RPL39: variants seen among roughly 807,000 people sequenced by gnomAD.
The protein encoded by RPL39 is large ribosomal subunit protein eL39.
For missense variants in RPL39, 6 were observed against 37.2 expected, an observed-to-expected ratio of 0.16 and a Z score of 2.18; for synonymous variants, 8 against 11.4, an observed-to-expected ratio of 0.70 and a Z score of 0.60.
intron 2 of RPL39, among the ~76,000 whole-genome samples, chrX:119,788,162 C>T (rs2055678143): frequency 3.6e-5 from 4 of 111,717 alleles, no homozygotes; most frequent in Non-Finnish European, 7.5e-5. Context: ...AGGAAATAGG[C>T]CCTCAACTTT....
chrX:119,789,544 G>A (rs752894277), intron 2 of RPL39, among the ~76,000 whole-genome samples: 5 of 110,771 alleles, frequency 4.5e-5, no homozygotes, highest in African/African-American at 6.6e-5. Flanking sequence ...GTAACAGAGC[G>A]AGACTCCGTC....
rs766399545 is a variant in RPL39 at position 119,788,626 on chromosome X, G to A, written c.107+1282C>T. Among the ~76,000 whole-genome samples the A allele has an allele frequency of 3.8e-4, 43 of 111,820 alleles. 1 individual carries two copies. Among genetic ancestry groups the A allele is most frequent in the African/African-American group, 1.4e-3 (43 of 30,866 alleles). On this transcript the variant is annotated intron_variant, in intron 2 of 2. Coordinates refer to ENST00000361575, the MANE Select transcript of RPL39 (RefSeq NM_001000.4). ...GTACACAAATTAGCCAGGCATGGTG[G>A]TGAACGCCTGTAGTCCCAGCTACTC...
At chrX:119,788,971 T>C (rs1258706008) in intron 2 of RPL39, among the ~76,000 whole-genome samples, 3 of 112,112 alleles carry the variant, frequency 2.7e-5, no homozygotes, top group Non-Finnish European at 5.6e-5. Flanking sequence ...AAGAGAAACA[T>C]CTAAAAGACT....
Position 119,791,589 on chromosome X carries a change from A to G in RPL39, c.-13T>C, listed in dbSNP as rs757398755. 1 of 1,176,125 alleles carries G rather than the reference A, an allele frequency of 8.5e-7. No homozygotes were observed. ...ATGGACTTACCATGGCGAGCAGCGG[A>G]GTCAAGAACACACCACGATGGCGGA... On this transcript the variant is annotated 5_prime_UTR_variant, in exon 1 of 3. Coordinates refer to ENST00000361575, the MANE Select transcript of RPL39 (RefSeq NM_001000.4).
intron 1 of RPL39, chrX:119,791,259 C>T (rs1168626957): frequency 7.9e-6 from 2 of 253,909 alleles, no homozygotes; most frequent in Non-Finnish European, 1.5e-5. Context: ...CCACCTCCCA[C>T]CCCCCGCCTC....
chrX:119,789,298 T>C (rs2055686201), intron 2 of RPL39, among the ~76,000 whole-genome samples: 2 of 112,266 alleles, frequency 1.8e-5, no homozygotes, highest in Admixed American at 9.5e-5. Context: ...GGCTTATGCC[T>C]GTAATCCCAG....
intron 2 of RPL39, chrX:119,787,265 G>GC: frequency 3.1e-6 from 1 of 321,415 alleles, no homozygotes; most frequent in Non-Finnish European, 6.0e-6. Context: ...GAGATTACAG[G>GC]CATGAGCCAC....
intron 2 of RPL39, among the ~76,000 whole-genome samples, chrX:119,789,351 G>A (rs1209696556): frequency 8.9e-6 from 1 of 112,309 alleles, no homozygotes; most frequent in East Asian, 2.8e-4. Context: ...GAGCTCAGGA[G>A]TTTGAGACCA....
intron 2 of RPL39, 147 bp from the exon 3 acceptor site, chrX:119,786,879 A>T: frequency 2.1e-6 from 1 of 466,611 alleles, no homozygotes; most frequent in Non-Finnish European, 3.7e-6. Flanking sequence ...GGAGAGTAAA[A>T]AAAATAATTC....
At chrX:119,790,198 G>GT (rs1265535611) in intron 1 of RPL39, 187 bp from the exon 2 acceptor site, 10 of 367,201 alleles carry the variant, frequency 2.7e-5, no homozygotes, top group Non-Finnish European at 4.8e-5. Flanking sequence ...AGATACCACA[G>GT]TTTCCATCGT....
chrX:119,788,025 G>A (rs183487955), intron 2 of RPL39, among the ~76,000 whole-genome samples: 51 of 111,504 alleles, frequency 4.6e-4, no homozygotes, highest in Admixed American at 1.6e-3. Context: ...AGAAACCCAC[G>A]TTCAAGTAGA....
chrX:119,791,300 C>T (rs1273881166), intron 1 of RPL39: 3 of 287,306 alleles, frequency 1.0e-5, no homozygotes, highest in Non-Finnish European at 1.9e-5. Flanking sequence ...CGAAGGGAAA[C>T]CGGAATCCCT....
At chrX:119,788,341 G>T (rs890645467) in intron 2 of RPL39, among the ~76,000 whole-genome samples, 1 of 110,974 alleles carries the variant, frequency 9.0e-6, no homozygotes, top group African/African-American at 3.3e-5. Context: ...AGACCAGCCT[G>T]GCCAAGATGG....
chrX:119,790,316 T>A (rs181886113), intron 1 of RPL39: 153 of 174,907 alleles, frequency 8.7e-4, no homozygotes, highest in African/African-American at 4.2e-3. Context: ...AGCCAGAGGC[T>A]ACCTTTCAAT....
Position 119,786,602 on chromosome X carries a change from G to A in RPL39, c.*82C>T, listed in dbSNP as rs1302077938. 20 of 719,832 alleles carry A rather than the reference G, an allele frequency of 2.8e-5. No individual in the cohort carries two copies. Among genetic ancestry groups the A allele is most frequent in the Non-Finnish European group, 4.3e-5 (20 of 468,569 alleles). The allele number at this position is 719,832 out of a possible 1,213,427, so 59.3% of individuals were successfully genotyped here. A position where few individuals can be genotyped will look rare whatever the true frequency, so the allele number is the denominator to read the frequency against. ...AAACACGTCGAAATCTCCAGATAGT[G>A]GTGACATTTTCAGCTTGATATGGTA... On this transcript the variant is annotated 3_prime_UTR_variant, in exon 3 of 3. Coordinates refer to ENST00000361575, the MANE Select transcript of RPL39 (RefSeq NM_001000.4).
intron 1 of RPL39, chrX:119,791,086 G>A (rs1174036522): frequency 7.9e-6 from 1 of 126,547 alleles, no homozygotes; most frequent in African/African-American, 3.2e-5. Flanking sequence ...CTGAATAAAC[G>A]TCCTCTAAAC....
chrX:119,790,115 C>G lies in RPL39; in HGVS notation c.4-104G>C. The G allele has an allele frequency of 8.4e-6, 4 of 475,046 alleles. No individual in the cohort carries two copies. The South Asian group carries it at 1.4e-4, about 16-fold the overall frequency. The allele number at this position is 475,046 out of a possible 1,213,427, so 39.1% of individuals were successfully genotyped here. A position where few individuals can be genotyped will look rare whatever the true frequency, so the allele number is the denominator to read the frequency against. ...ACATTTGAGTGCTTAACACATACCC[C>G]AGCCCCAAAATCTTCTCAATGCTAA... On this transcript the variant is annotated intron_variant, in intron 1 of 2. Transcript: ENST00000361575.
intron 2 of RPL39, among the ~76,000 whole-genome samples, chrX:119,787,896 A>C (rs1370293469): frequency 9.0e-6 from 1 of 111,292 alleles, no homozygotes; most frequent in Non-Finnish European, 1.9e-5. Flanking sequence ...GGCCTCAAGC[A>C]ATCCTCCTGC....
At chrX:119,788,641 C>A (rs1371930213) in intron 2 of RPL39, among the ~76,000 whole-genome samples, 1 of 111,526 alleles carries the variant, frequency 9.0e-6, no homozygotes, top group African/African-American at 3.3e-5. Flanking sequence ...CGCCTGTAGT[C>A]CCAGCTACTC....
Sources: allele counts gnomAD v4.1 joint callset (sites outside exome capture counted in the v4.1 genomes callset), GRCh38; gene constraint gnomAD v4.1.1; transcripts MANE v1.5; gene names NCBI Gene and HGNC (gene_info 2026-07-23, HGNC 2026-07-21).